Variants in RSBN1 observed in about 807,000 individuals in gnomAD.
RSBN1 encodes the protein round spermatid basic protein 1.
A neutral mutation model predicts 74.8 loss-of-function variants in RSBN1; 23 were observed. The observed-to-expected ratio is 0.31, with a 90% CI of 0.22 to 0.44. RSBN1 has a LOEUF of 0.44. Among genes scored for constraint, RSBN1 ranks in the 20% least tolerant of loss-of-function variants. RSBN1 has a pLI of 1.00. For synonymous variants in RSBN1, 407 were observed against 379.6 expected (o/e 1.07, Z -0.84); for missense variants, 808 against 1,020.9 (o/e 0.79, Z 2.84).
At chr1:113,771,810 C>CAAA (rs71779986) in intron 4 of RSBN1, among the ~76,000 whole-genome samples, 20 of 75,330 alleles carry the variant, frequency 2.7e-4, no homozygotes, top group African/African-American at 6.0e-4. Context: ...GTTCCTACCT[C>CAAA]AAAAAAAAAA....
chr1:113,799,565 TACACACAC>T (rs66958734), intron 1 of RSBN1, among the ~76,000 whole-genome samples: 2,301 of 142,050 alleles, frequency 0.016, 32 homozygotes, highest in African/African-American at 0.019. Context: ...ATAGATGCTT[TACACACAC>T]ACACACACAC....
chr1:113,807,826 CAA>C (rs200132607), intron 1 of RSBN1, among the ~76,000 whole-genome samples: 4 of 139,906 alleles, frequency 2.9e-5, no homozygotes, highest in South Asian at 2.3e-4. Context: ...CACACACACA[CAA>C]AATTCAATTA....
chr1:113,801,557 A>G (rs949647155), intron 1 of RSBN1, among the ~76,000 whole-genome samples: 29 of 152,250 alleles, frequency 1.9e-4, no homozygotes, highest in African/African-American at 6.8e-4. Flanking sequence ...GTCAGTGTCC[A>G]AAGTCTTCTT....
chr1:113,787,789 C>A (rs1660278180), intron 2 of RSBN1, among the ~76,000 whole-genome samples: 1 of 152,156 alleles, frequency 6.6e-6, no homozygotes, highest in Admixed American at 6.5e-5. Context: ...GAAACAATAT[C>A]TTTAAACACT....
intron 4 of RSBN1, among the ~76,000 whole-genome samples, chr1:113,773,401 GT>G (rs745478595): frequency 6.6e-6 from 1 of 152,226 alleles, no homozygotes; most frequent in Non-Finnish European, 1.5e-5. Flanking sequence ...GTGCACGCCA[GT>G]AATCCCAGCT....
intron 5 of RSBN1, 25 bp downstream of exon 5, chr1:113,768,197 T>C (rs1383739793): frequency 6.3e-7 from 1 of 1,581,310 alleles, no homozygotes; most frequent in Non-Finnish European, 8.6e-7. Flanking sequence ...TTAACCAACC[T>C]TGCAGTTGAG....
chr1:113,774,645 C>G (rs1228964231), intron 4 of RSBN1, among the ~76,000 whole-genome samples: 3 of 151,998 alleles, frequency 2.0e-5, no homozygotes, highest in African/African-American at 7.2e-5. Flanking sequence ...CCACCGCACT[C>G]CAGCCTGGGT....
chr1:113,787,831 C>T (rs6668829), intron 2 of RSBN1, among the ~76,000 whole-genome samples: 33,035 of 152,144 alleles, frequency 0.22, 4,495 homozygotes, highest in South Asian at 0.39. Context: ...AATATGACCA[C>T]ATTCCCTATC....
chr1:113,768,490 C>A, intron 4 of RSBN1, 101 bp from the exon 5 acceptor site: 2 of 778,708 alleles, frequency 2.6e-6, no homozygotes, highest in Non-Finnish European at 4.1e-6. Context: ...GCTAAAATAC[C>A]AGATTTAAAT....
intron 4 of RSBN1, among the ~76,000 whole-genome samples, chr1:113,773,230 T>C (rs1659915729): frequency 6.6e-6 from 1 of 152,168 alleles, no homozygotes; most frequent in Non-Finnish European, 1.5e-5. Flanking sequence ...CAAATTAAAA[T>C]GAGACATTTT....
intron 5 of RSBN1, 88 bp downstream of exon 5, chr1:113,768,134 T>TA (rs1659818840): frequency 3.4e-6 from 4 of 1,184,234 alleles, no homozygotes; most frequent in Non-Finnish European, 4.6e-6. Flanking sequence ...TACCACAATT[T>TA]AAAAAACTGG....
chr1:113,791,107 G>C (rs969878547), intron 2 of RSBN1, among the ~76,000 whole-genome samples: 2 of 151,956 alleles, frequency 1.3e-5, no homozygotes, highest in Non-Finnish European at 2.9e-5. Flanking sequence ...CCAAAGAACA[G>C]AAAAAACTAA....
chr1:113,791,835 G>C (rs896493279), intron 2 of RSBN1, among the ~76,000 whole-genome samples: 1 of 151,874 alleles, frequency 6.6e-6, no homozygotes, highest in South Asian at 2.1e-4. Flanking sequence ...GTTCCTTAAG[G>C]GTTTCTGAGC....
intron 2 of RSBN1, among the ~76,000 whole-genome samples, chr1:113,786,566 G>C (rs536064726): frequency 6.6e-6 from 1 of 152,266 alleles, no homozygotes; most frequent in East Asian, 1.9e-4. Flanking sequence ...ATGGAGGAAG[G>C]GGCCACAAGC....
At chr1:113,775,343 CTT>C (rs34622950) in intron 4 of RSBN1, among the ~76,000 whole-genome samples, 1 of 146,322 alleles carries the variant, frequency 6.8e-6, no homozygotes, top group Admixed American at 6.8e-5. Context: ...TTCTACTCTT[CTT>C]TTTTTTTTTC....
In RSBN1 at chr1:113,762,210, A is replaced by AT. The variant is rs1659691779; in HGVS notation, c.*3769dup. The stretch of plus-strand genomic sequence containing the variant: ...ACACTATTACATGAAAATTTACAAC[A>AT]TGTGATAGTAGTACATAAGTATTTC... On this transcript the variant is annotated 3_prime_UTR_variant, in exon 7 of 7. Transcript: ENST00000261441. 1 of 152,806 alleles carries AT rather than the reference A, an allele frequency of 6.5e-6. No homozygotes were observed. Among genetic ancestry groups the AT allele is most frequent in the Admixed American group, 6.5e-5 (1 of 15,292 alleles). 9.5% of individuals were successfully genotyped at this position (152,806 alleles called of 1,614,324 possible).
intron 1 of RSBN1, among the ~76,000 whole-genome samples, chr1:113,811,276 C>T (rs1660837277): frequency 6.6e-6 from 1 of 152,182 alleles, no homozygotes; most frequent in African/African-American, 2.4e-5. Context: ...TATGAATTCC[C>T]TCCTGAAAGA....
chr1:113,801,024 G>A (rs1482285442), intron 1 of RSBN1, among the ~76,000 whole-genome samples: 2 of 150,450 alleles, frequency 1.3e-5, no homozygotes, highest in African/African-American at 4.9e-5. Flanking sequence ...CTGTTGCCCA[G>A]GATGGAGTGC....
chr1:113,788,928 ATAT>A (rs1660311180), intron 2 of RSBN1, among the ~76,000 whole-genome samples: 1 of 152,120 alleles, frequency 6.6e-6, no homozygotes, highest in Non-Finnish European at 1.5e-5. Context: ...TAACACCATA[ATAT>A]TATAAAACTG....
Sources: allele counts gnomAD v4.1 joint callset (sites outside exome capture counted in the v4.1 genomes callset), GRCh38; gene constraint gnomAD v4.1.1; transcripts MANE v1.5; gene names NCBI Gene and HGNC (gene_info 2026-07-23, HGNC 2026-07-21).